GTPBP1: variants seen among roughly 807,000 people sequenced by gnomAD.
The protein encoded by GTPBP1 is GTP binding protein 1.
Under a neutral mutation model 62.0 loss-of-function variants are expected in GTPBP1, and 23 were observed. The observed-to-expected ratio is 0.37, with a 90% confidence interval of 0.27 to 0.53. The LOEUF (loss-of-function observed/expected upper bound fraction) is 0.53, where lower values mean the gene tolerates loss of function less well. Among genes scored for constraint, GTPBP1 ranks in the 20% least tolerant of loss-of-function variants. The pLI is 0.89. For synonymous variants in GTPBP1, 344 were observed against 364.4 expected (o/e 0.94, Z 0.64); for missense variants, 640 against 917.3 (o/e 0.70, Z 3.90).
chr22:38,737,955 CT>C, downstream of GTPBP1: 1 of 698,176 alleles, frequency 1.4e-6, no homozygotes, highest in Non-Finnish European at 2.7e-6. This position sits in a 1 kb window ranked among gnomAD's most constrained non-coding sequence, Gnocchi z 4.1. Flanking sequence ...TTCCAGGAAG[CT>C]TCCCTCATGC....
At chr22:38,735,277 C>G (rs1401983324), downstream of GTPBP1, 1 of 455,154 alleles carries the variant, frequency 2.2e-6, no homozygotes, top group Admixed American at 2.4e-5. Context: ...CCCAAGGGGG[C>G]AGCCTGAGCG....
chr22:38,711,353 G>T (rs1297110776), intron 2 of GTPBP1, among the ~76,000 whole-genome samples: 1 of 152,150 alleles, frequency 6.6e-6, no homozygotes, highest in Non-Finnish European at 1.5e-5. Context: ...GAACCTGGCA[G>T]GCCTGGATTT....
chr22:38,719,647 G>C (rs2092689031), intron 4 of GTPBP1, among the ~76,000 whole-genome samples: 1 of 150,030 alleles, frequency 6.7e-6, no homozygotes, highest in Non-Finnish European at 1.5e-5. Flanking sequence ...TTTTGTGGCT[G>C]AATCACTTAA....
At position 38,726,755 on chromosome 22, in the gene GTPBP1, C is replaced by T. The variant is rs892755076; in HGVS notation, c.1401+315C>T. Among the ~76,000 whole-genome samples, 30 of 152,142 alleles carry T rather than the reference C, an allele frequency of 2.0e-4. No individual in the cohort carries two copies. Among genetic ancestry groups the T allele is most frequent in the Non-Finnish European group, 2.2e-4 (15 of 68,018 alleles). On this transcript the variant is annotated intron_variant, in intron 8 of 11. Transcript: ENST00000216044. This position sits in a 1 kb window ranked among gnomAD's most constrained non-coding sequence, Gnocchi z 4.1. ...TGTGCAAGGATCCTTCTACATAGGA[C>T]CATTGGGATCTGCGCCACATCCTCT... is the stretch of plus-strand genomic sequence containing the variant.
In GTPBP1 at chr22:38,706,051, G is replaced by A; in HGVS notation, c.96G>A (p.Ala32=). ...EPSSPGAARA[A]AAAARLHGGF... ...GCTCCCCGGGGGCGGCCAGGGCCGC[G>A]GCGGCCGCCGCCCGACTCCACGGCG... Residue 32 remains alanine (A), a synonymous_variant, in exon 1 of 12, where the codon GCG becomes GCA. Coordinates refer to ENST00000216044, the MANE Select transcript of GTPBP1 (RefSeq NM_004286.5). The A allele has an allele frequency of 1.5e-6, 2 of 1,370,730 alleles. No individual in the cohort carries two copies. The highest frequency in any genetic ancestry group is 1.9e-6 in the Non-Finnish European group (2 of 1,063,002). The allele number at this position is 1,370,730 out of a possible 1,614,324, so 84.9% of individuals were successfully genotyped here.
intron 4 of GTPBP1, among the ~76,000 whole-genome samples, chr22:38,717,641 AC>A (rs997014566): frequency 3.9e-5 from 6 of 152,272 alleles, no homozygotes; most frequent in African/African-American, 1.4e-4. Context: ...ATTAAAAACA[AC>A]CAAAAAGTGT....
downstream of GTPBP1, chr22:38,742,531 C>T: frequency 6.2e-7 from 1 of 1,612,730 alleles, no homozygotes; most frequent in Non-Finnish European, 8.5e-7. Flanking sequence ...AGAGAGTGTA[C>T]CCGGGACATA....
Position 38,729,677 on chromosome 22 carries a change from C to G in GTPBP1, c.1917+15C>G. ...TCCAGCCTCAGGTGAGCACGGGCCCCTCGCAGCTTCGGCATGGTGGTGGGG... is the reference window on the plus strand; with the variant it reads ...TCCAGCCTCAGGTGAGCACGGGCCCGTCGCAGCTTCGGCATGGTGGTGGGG... On this transcript the variant is annotated intron_variant, in intron 11 of 11. Transcript: ENST00000216044. The G allele has an allele frequency of 6.9e-7, 1 of 1,454,418 alleles. No homozygotes were observed. The highest frequency in any genetic ancestry group is 9.1e-7 in the Non-Finnish European group (1 of 1,101,558). The allele number at this position is 1,454,418 out of a possible 1,614,324, so 90.1% of individuals were successfully genotyped here.
At chr22:38,721,624 G>C in intron 4 of GTPBP1, 118 bp from the exon 5 acceptor site, 1 of 835,118 alleles carries the variant, frequency 1.2e-6, no homozygotes. Flanking sequence ...CGAGTCAGGG[G>C]TTAACGTGAT....
chr22:38,740,436 G>C, downstream of GTPBP1: 1 of 1,487,922 alleles, frequency 6.7e-7, no homozygotes, highest in Non-Finnish European at 9.0e-7. The surrounding 1 kb of genome is among the most constrained non-coding windows in gnomAD (Gnocchi z 4.8). Flanking sequence ...GGTCATGCTG[G>C]TCCCAGAGAG....
At chr22:38,709,679 C>T (rs767781169) in intron 2 of GTPBP1, among the ~76,000 whole-genome samples, 2 of 152,140 alleles carry the variant, frequency 1.3e-5, no homozygotes, top group African/African-American at 2.4e-5. Context: ...AGAGGACCTC[C>T]GTGATTCTTC....
At chr22:38,741,548 T>G, downstream of GTPBP1, 4 of 1,614,106 alleles carry the variant, frequency 2.5e-6, no homozygotes, top group Middle Eastern at 4.9e-4. Context: ...GCTGATGCTC[T>G]GCTCTCAGGG....
At chr22:38,712,732 A>G (rs1383354369) in intron 2 of GTPBP1, among the ~76,000 whole-genome samples, 1 of 152,116 alleles carries the variant, frequency 6.6e-6, no homozygotes, top group Non-Finnish European at 1.5e-5. Context: ...CGTTGGTGAT[A>G]GCCCTTGGTG....
downstream of GTPBP1, chr22:38,742,161 GA>G (rs1168879547): frequency 1.2e-5 from 13 of 1,058,676 alleles, no homozygotes; most frequent in African/African-American, 8.2e-5. Flanking sequence ...AAAAAAAAAA[GA>G]AAAAAAGAGA....
intron 2 of GTPBP1, among the ~76,000 whole-genome samples, chr22:38,711,661 G>T (rs1028362352): frequency 2.6e-5 from 4 of 152,036 alleles, no homozygotes; most frequent in African/African-American, 9.7e-5. Flanking sequence ...GGCTAACATA[G>T]TGAAACCCCA....
At position 38,705,951 on chromosome 22, in the gene GTPBP1, T is replaced by G; in HGVS notation, c.-5T>G. 1 of 1,433,026 alleles carries G rather than the reference T, an allele frequency of 7.0e-7. No individual in the cohort carries two copies. Among genetic ancestry groups the G allele is most frequent in the Admixed American group, 2.5e-5 (1 of 40,152 alleles). The allele number at this position is 1,433,026 out of a possible 1,614,324, so 88.8% of individuals were successfully genotyped here. A position where few individuals can be genotyped will look rare whatever the true frequency, so the allele number is the denominator to read the frequency against. On this transcript the variant is annotated 5_prime_UTR_variant, in exon 1 of 12. The change creates a new upstream start codon in the 5' untranslated region. Coordinates refer to ENST00000216044, the MANE Select transcript of GTPBP1 (RefSeq NM_004286.5). ...CCGGCTACGAATTAGCCTAAGTTAT[T>G]AAAGATGGCGACGGAGCGCAGTCGC... is the stretch of plus-strand genomic sequence containing the variant.
rs111697733 is a variant in GTPBP1 at position 38,731,609 on chromosome 22, G to A, written c.*905G>A. 34 of 152,780 alleles carry A rather than the reference G, an allele frequency of 2.2e-4. No individual in the cohort carries two copies. Among genetic ancestry groups the A allele is most frequent in the Non-Finnish European group, 3.8e-4 (26 of 68,076 alleles). The allele number at this position is 152,780 out of a possible 1,614,324, so 9.5% of individuals were successfully genotyped here. A position where few individuals can be genotyped will look rare whatever the true frequency, so the allele number is the denominator to read the frequency against. On this transcript the variant is annotated 3_prime_UTR_variant, in exon 12 of 12. Transcript: ENST00000216044. ...CCTCCCATCACCCCGCTTCTTGTTG[G>A]GCCTCAGGCACTGGTTACCAGAAGG...
rs1556001647 is a variant in GTPBP1 at position 38,731,009 on chromosome 22, A to ATTGT, written c.*306_*309dup. Reference sequence around the variant, plus strand: ...TTATTATATGTCTCTGTCTCTCTCTATTGTGTGTGTGTGTGTGTGTGTGTG... The same window carrying ATTGT: ...TTATTATATGTCTCTGTCTCTCTCTATTGTTTGTGTGTGTGTGTGTGTGTGTGTG... On this transcript the variant is annotated 3_prime_UTR_variant, in exon 12 of 12. Coordinates refer to ENST00000216044, the MANE Select transcript of GTPBP1 (RefSeq NM_004286.5). The ATTGT allele has an allele frequency of 1.6e-3, 349 of 216,296 alleles. 2 individuals carry two copies. The African/African-American group carries it at 0.025, about 16-fold the overall frequency. 13.4% of individuals were successfully genotyped at this position (216,296 alleles called of 1,614,324 possible). A position where few individuals can be genotyped will look rare whatever the true frequency, so the allele number is the denominator to read the frequency against.
At chr22:38,738,627 T>C (rs746551792), downstream of GTPBP1, 2 of 1,613,916 alleles carry the variant, frequency 1.2e-6, no homozygotes, top group Non-Finnish European at 1.7e-6. The surrounding 1 kb of genome is among the most constrained non-coding windows in gnomAD (Gnocchi z 6.6). Flanking sequence ...GATAGTGCTG[T>C]TGGGTGACAA....
Sources: allele counts gnomAD v4.1 joint callset (sites outside exome capture counted in the v4.1 genomes callset), GRCh38; gene constraint gnomAD v4.1.1; non-coding constraint Gnocchi (gnomAD v3.1); transcripts MANE v1.5; gene names NCBI Gene and HGNC (gene_info 2026-07-23, HGNC 2026-07-21).